Variants in FBL observed in about 807,000 individuals in gnomAD.
FBL encodes the protein fibrillarin rRNA 2'-O-methyltransferase.
Under a neutral mutation model 42.2 loss-of-function variants are expected in FBL, and 10 were observed. The ratio of observed to expected loss-of-function variants is 0.24; its 90% CI spans 0.15 to 0.40. The LOEUF is 0.40. Among genes scored for constraint, FBL ranks in the 10% least tolerant of loss-of-function variants. The pLI is 1.00. For synonymous variants in FBL, 165 were observed against 165.4 expected (o/e 1.00, Z 0.02); for missense variants, 351 against 439.2 (o/e 0.80, Z 1.79).
At chr19:39,838,269 T>G (rs1051034286) in intron 5 of FBL, 12 of 149,230 alleles carry the variant, frequency 8.0e-5, no homozygotes, top group Non-Finnish European at 1.5e-4. Context: ...CTGAGGTTTT[T>G]TTTTTTTTTT....
At chr19:39,834,915 T>A (rs913193546) in intron 7 of FBL, 102 bp from the exon 8 acceptor site, 100 of 1,257,078 alleles carry the variant, frequency 8.0e-5, no homozygotes, top group Non-Finnish European at 1.1e-4. Context: ...CAAGTAAAAC[T>A]CAGTGCTATG....
rs777761998 is a variant in FBL at position 39,836,715 on chromosome 19, C to T, written c.683-47G>A. 5 of 1,453,400 alleles carry T rather than the reference C, an allele frequency of 3.4e-6. No individual in the cohort carries two copies. The East Asian group carries it at 9.1e-5, about 27-fold the overall frequency. 90.0% of individuals were successfully genotyped at this position (1,453,400 alleles called of 1,614,324 possible). A position where few individuals can be genotyped will look rare whatever the true frequency, so the allele number is the denominator to read the frequency against. On this transcript the variant is annotated intron_variant, in intron 6 of 8. Coordinates refer to ENST00000221801, the MANE Select transcript of FBL (RefSeq NM_001436.4). ...TTAAAAGTTGGAGTCACAGGGATCACCCCAGATCCTCCCATGGGGCCTATG... is the reference window on the plus strand; with the variant it reads ...TTAAAAGTTGGAGTCACAGGGATCATCCCAGATCCTCCCATGGGGCCTATG...
At chr19:39,838,004 C>T in intron 5 of FBL, 161 bp from the exon 6 acceptor site, 1 of 587,986 alleles carries the variant, frequency 1.7e-6, no homozygotes, top group South Asian at 2.1e-5. Context: ...CATGAATAAA[C>T]TGAGGTCCAG....
chr19:39,844,480 G>A (rs1207548119), intron 1 of FBL, among the ~76,000 whole-genome samples: 1 of 151,768 alleles, frequency 6.6e-6, no homozygotes, highest in Non-Finnish European at 1.5e-5. Flanking sequence ...TTGGGGGGAG[G>A]GGGGTCCATA....
Position 39,846,312 on chromosome 19 carries a change from G to C in FBL, c.-12C>G, listed in dbSNP as rs1303649317. ...TGACCTGGCTTCATGGCGAGCCCTG[G>C]TTTGTGCGGCTCCGGAGTCCGCGGC... is the stretch of plus-strand genomic sequence containing the variant. On this transcript the variant is annotated 5_prime_UTR_variant, in exon 1 of 9. Transcript: ENST00000221801. 2 of 1,613,668 alleles carry C rather than the reference G, an allele frequency of 1.2e-6. No homozygotes were observed. Among genetic ancestry groups the C allele is most frequent in the Non-Finnish European group, 1.7e-6 (2 of 1,179,844 alleles).
At position 39,837,712 on chromosome 19, in the gene FBL, G is replaced by A. The variant is rs369924506; in HGVS notation, c.681C>T (p.Ile227=). 1.3e-5 allele frequency: 21 copies of A among 1,569,138 alleles called. No individual in the cohort carries two copies. The highest frequency in any genetic ancestry group is 1.7e-4 in the Middle Eastern group (1 of 5,842). Reference sequence around the variant, plus strand: ...CGGGGCCACCCCCAGACCCCTCACCGATGAGCATGCGGTATTTGTGTGGGT... The same window carrying A: ...CGGGGCCACCCCCAGACCCCTCACCAATGAGCATGCGGTATTTGTGTGGGT... ...ARHPHKYRML[I]AMVDVIFADV... is the part of the protein sequence containing the mutation. The change falls in exon 6 of 9, where the codon ATC becomes ATT. Residue 227 remains isoleucine (I), a splice_region_variant and synonymous_variant. Coordinates refer to ENST00000221801, the MANE Select transcript of FBL (RefSeq NM_001436.4).
At chr19:39,836,755 G>T (rs117130859) in intron 6 of FBL, 87 bp from the exon 7 acceptor site, 14 of 934,292 alleles carry the variant, frequency 1.5e-5, no homozygotes, top group Admixed American at 2.4e-5. Context: ...TCACCAGCAG[G>T]TTCCTGGGAG....
Position 39,846,338 on chromosome 19 carries a change from G to T in FBL, c.-38C>A, listed in dbSNP as rs1969262965. The stretch of plus-strand genomic sequence containing the variant: ...TTTGTGCGGCTCCGGAGTCCGCGGC[G>T]TTCACAACTCCACGAGTCCGGGGCT... On this transcript the variant is annotated 5_prime_UTR_variant, in exon 1 of 9. Transcript: ENST00000221801. 1 of 1,611,932 alleles carries T rather than the reference G, an allele frequency of 6.2e-7. No individual in the cohort carries two copies. Among genetic ancestry groups the T allele is most frequent in the Admixed American group, 1.7e-5 (1 of 59,948 alleles).
chr19:39,837,394 A>G (rs1969070700), intron 6 of FBL, among the ~76,000 whole-genome samples: 1 of 152,140 alleles, frequency 6.6e-6, no homozygotes, highest in Non-Finnish European at 1.5e-5. Flanking sequence ...CCAGACAATG[A>G]TTAGGACCCC....
intron 7 of FBL, 49 bp downstream of exon 7, chr19:39,836,507 C>A: frequency 8.0e-7 from 1 of 1,245,754 alleles, no homozygotes; most frequent in Non-Finnish European, 1.2e-6. Flanking sequence ...AGAGAAGATA[C>A]CTCCCTAGAA....
chr19:39,840,676 C>G lies in FBL; in HGVS notation c.122G>C (p.Arg41Thr). ...GGGRGRGGGF[R>T]GRGRGGGGGG... The stretch of plus-strand genomic sequence containing the variant: ...TCCACCTCCTCCTCGTCCACGACCT[C>G]TAAAGCCTCCGCCTCGACCTCGGCC... Residue 41 changes from arginine (R) to threonine (T), a missense_variant, in exon 2 of 9, where the codon AGA (arginine) becomes ACA (threonine). By Grantham distance (71) the Arg-to-Thr change is moderately conservative. Transcript: ENST00000221801. The surrounding 1 kb of genome is among the most constrained non-coding windows in gnomAD (Gnocchi z 4.5). 6.2e-7 allele frequency: 1 copy of G among 1,604,142 alleles called. No homozygotes were observed. The highest frequency in any genetic ancestry group is 8.5e-7 in the Non-Finnish European group (1 of 1,175,444).
At chr19:39,841,413 T>C (rs1052960920) in intron 1 of FBL, among the ~76,000 whole-genome samples, 4 of 152,140 alleles carry the variant, frequency 2.6e-5, no homozygotes, top group African/African-American at 7.2e-5. Context: ...ACTCATGATA[T>C]TGGTGAATGG....
intron 7 of FBL, 88 bp downstream of exon 7, chr19:39,836,468 T>G: frequency 1.2e-6 from 1 of 824,950 alleles, no homozygotes; most frequent in Non-Finnish European, 1.9e-6. Context: ...GGCCCCTCTG[T>G]TTTGGGTGGC....
chr19:39,842,842 T>C (rs1969186717), intron 1 of FBL, among the ~76,000 whole-genome samples: 1 of 152,196 alleles, frequency 6.6e-6, no homozygotes, highest in South Asian at 2.1e-4. Context: ...ATCATCATCC[T>C]AAGGATCTGG....
Position 39,840,926 on chromosome 19 carries a change from C to T in FBL, c.11-139G>A. The T allele has an allele frequency of 3.8e-6, 3 of 793,856 alleles. No homozygotes were observed. Among genetic ancestry groups the T allele is most frequent in the Non-Finnish European group, 5.6e-6 (3 of 538,906 alleles). 49.2% of individuals were successfully genotyped at this position (793,856 alleles called of 1,614,324 possible). ...CAGGACACATTTCCAAGAATGTCCA[C>T]AGCAAAAGAAAAGTGAAGACTAACC... On this transcript the variant is annotated intron_variant, in intron 1 of 8. Coordinates refer to ENST00000221801, the MANE Select transcript of FBL (RefSeq NM_001436.4). This position sits in a 1 kb window ranked among gnomAD's most constrained non-coding sequence, Gnocchi z 4.5.
In FBL at chr19:39,840,596, G is replaced by A. The variant is rs1969142598; in HGVS notation, c.181+21C>T. 2 of 1,613,126 alleles carry A rather than the reference G, an allele frequency of 1.2e-6. No individual in the cohort carries two copies. The highest frequency in any genetic ancestry group is 1.6e-4 in the Middle Eastern group (1 of 6,082). ...TCCCCACCTCAGGAAGGCCTCCTCT[G>A]TAACCCCTAGCCAATCTTACCACCT... On this transcript the variant is annotated intron_variant, in intron 2 of 8. Coordinates refer to ENST00000221801, the MANE Select transcript of FBL (RefSeq NM_001436.4). This position sits in a 1 kb window ranked among gnomAD's most constrained non-coding sequence, Gnocchi z 4.5.
Position 39,840,170 on chromosome 19 carries a change from A to T in FBL, c.378+63T>A. The stretch of plus-strand genomic sequence containing the variant: ...TGCAGGACACATGGTGAGGGCAGAC[A>T]CAGACTACTGGCTACACCCTCAGCT... On this transcript the variant is annotated intron_variant, in intron 4 of 8. Coordinates refer to ENST00000221801, the MANE Select transcript of FBL (RefSeq NM_001436.4). This position sits in a 1 kb window ranked among gnomAD's most constrained non-coding sequence, Gnocchi z 4.5. The T allele has an allele frequency of 8.8e-7, 1 of 1,135,756 alleles. No homozygotes were observed. The allele number at this position is 1,135,756 out of a possible 1,614,324, so 70.4% of individuals were successfully genotyped here. A position where few individuals can be genotyped will look rare whatever the true frequency, so the allele number is the denominator to read the frequency against.
chr19:39,837,966 T>A (rs944534258), intron 5 of FBL, 123 bp from the exon 6 acceptor site: 1 of 721,968 alleles, frequency 1.4e-6, no homozygotes, highest in African/African-American at 1.9e-5. Context: ...TACCATCTAA[T>A]GACTATTGCT....
At chr19:39,837,682 C>A (rs1487766530) in intron 6 of FBL, 29 bp downstream of exon 6, 2 of 1,534,880 alleles carry the variant, frequency 1.3e-6, no homozygotes, top group East Asian at 4.7e-5. Context: ...CCTGTCCTAC[C>A]CCACCGGGGC....
Sources: gnomAD v4.1 joint callset for allele counts (sites outside exome capture counted in the v4.1 genomes callset) on GRCh38, gnomAD v4.1.1 for gene constraint, Gnocchi (gnomAD v3.1) non-coding constraint, MANE v1.5 for transcripts, NCBI Gene and HGNC (gene_info 2026-07-23, HGNC 2026-07-21) for gene names.